Variants in CMTM8 observed in about 807,000 individuals in gnomAD.
CMTM8 encodes CKLF like MARVEL transmembrane domain containing 8.
CMTM8 carries 12 observed loss-of-function variants against 18.6 expected under a neutral mutation model. That is an observed-to-expected ratio of 0.65 (90% CI 0.41 to 1.05). The LOEUF is 1.05. Ranked by LOEUF, CMTM8 falls within the 50% of genes least tolerant of loss-of-function variation. The probability of loss-of-function intolerance (pLI) is 0.00; values close to 1 mark genes in which losing one functional copy is unlikely to be tolerated. For synonymous variants in CMTM8, 87 were observed against 90.6 expected (o/e 0.96, Z 0.23); for missense variants, 217 against 227.2 (o/e 0.95, Z 0.29).
chr3:32,354,189 G>A (rs1449770416), intron 1 of CMTM8, among the ~76,000 whole-genome samples: 2 of 151,848 alleles, frequency 1.3e-5, no homozygotes, highest in Admixed American at 1.3e-4. Flanking sequence ...GCTTATCAGG[G>A]AAAACAAACA....
chr3:32,333,400 G>T (rs903320205), intron 1 of CMTM8, among the ~76,000 whole-genome samples: 1 of 152,174 alleles, frequency 6.6e-6, no homozygotes, highest in South Asian at 2.1e-4. Context: ...TCACCAGAAA[G>T]CTTGTTAGAA....
intron 1 of CMTM8, among the ~76,000 whole-genome samples, chr3:32,294,455 G>A (rs967887310): frequency 1.3e-5 from 2 of 152,204 alleles, no homozygotes; most frequent in African/African-American, 4.8e-5. Flanking sequence ...TTGTGTGGCT[G>A]CCAGTCACAT....
intron 1 of CMTM8, among the ~76,000 whole-genome samples, chr3:32,262,108 G>A (rs1402769272): frequency 6.6e-6 from 1 of 152,118 alleles, no homozygotes; most frequent in African/African-American, 2.4e-5. Context: ...TCTCATGTCT[G>A]CTGGGTCCTG....
chr3:32,277,516 G>A (rs931436429), intron 1 of CMTM8, among the ~76,000 whole-genome samples: 3 of 152,088 alleles, frequency 2.0e-5, no homozygotes, highest in African/African-American at 7.2e-5. Flanking sequence ...GGTATTACAG[G>A]TGTGTGCCAC....
rs1702614287 is a variant in CMTM8 at position 32,281,817 on chromosome 3, G to C, written c.147+42698G>C. On this transcript the variant is annotated intron_variant, in intron 1 of 3. Transcript: ENST00000307526. ...GCCTGAAGGCCACATTGACACAGTTGACCCCTCCCCTCAATCCTTTAAATA... is the reference window on the plus strand; with the variant it reads ...GCCTGAAGGCCACATTGACACAGTTCACCCCTCCCCTCAATCCTTTAAATA... 4.6e-5 allele frequency among the ~76,000 whole-genome samples: 7 copies of C among 152,008 alleles called. No homozygotes were observed. The South Asian group carries it at 1.4e-3, about 31-fold the overall frequency.
intron 1 of CMTM8, among the ~76,000 whole-genome samples, chr3:32,241,709 A>G (rs1701947610): frequency 6.6e-6 from 1 of 152,210 alleles, no homozygotes; most frequent in Non-Finnish European, 1.5e-5. Flanking sequence ...TGTTAAGTCA[A>G]GGGGCATCTG....
chr3:32,278,233 A>G (rs1041132602), intron 1 of CMTM8, among the ~76,000 whole-genome samples: 1 of 152,360 alleles, frequency 6.6e-6, no homozygotes, highest in East Asian at 1.9e-4. Context: ...AATGTACAGC[A>G]TGGCCACATC....
chr3:32,310,789 G>A (rs933308547), intron 1 of CMTM8, among the ~76,000 whole-genome samples: 1 of 152,174 alleles, frequency 6.6e-6, no homozygotes, highest in Non-Finnish European at 1.5e-5. Context: ...ATTGTGAATT[G>A]TAGAAAGTTG....
chr3:32,271,259 T>C (rs868522388), intron 1 of CMTM8, among the ~76,000 whole-genome samples: 2 of 152,326 alleles, frequency 1.3e-5, no homozygotes, highest in Middle Eastern at 3.4e-3. Context: ...CCTGAGTAGC[T>C]GGGATTATAG....
intron 1 of CMTM8, among the ~76,000 whole-genome samples, chr3:32,311,378 G>A (rs1045035160): frequency 1.3e-5 from 2 of 152,194 alleles, no homozygotes; most frequent in African/African-American, 2.4e-5. Flanking sequence ...GACAGAGACC[G>A]TATGGCTGCA....
chr3:32,254,756 A>G (rs995707318), intron 1 of CMTM8, among the ~76,000 whole-genome samples: 1 of 152,216 alleles, frequency 6.6e-6, no homozygotes, highest in Non-Finnish European at 1.5e-5. Context: ...TACAGTTTAC[A>G]TACTGTAAAG....
intron 1 of CMTM8, among the ~76,000 whole-genome samples, chr3:32,249,868 C>G (rs1702090495): frequency 6.6e-6 from 1 of 152,250 alleles, no homozygotes; most frequent in South Asian, 2.1e-4. Flanking sequence ...CTTAGAAGTA[C>G]AAAGGTTCTT....
chr3:32,340,308 G>A (rs529998751), intron 1 of CMTM8, among the ~76,000 whole-genome samples: 182 of 152,282 alleles, frequency 1.2e-3, no homozygotes, highest in African/African-American at 4.1e-3. Context: ...GAAGATGGTC[G>A]CCATGCTTGC....
At chr3:32,283,374 T>C (rs6809090) in intron 1 of CMTM8, among the ~76,000 whole-genome samples, 98,886 of 151,978 alleles carry the variant, frequency 0.65, 32,492 homozygotes, top group East Asian at 0.89. Flanking sequence ...GGGGGAAGAG[T>C]CATTTGAGTT....
intron 1 of CMTM8, among the ~76,000 whole-genome samples, chr3:32,251,633 A>G (rs1433816960): frequency 6.6e-6 from 1 of 151,968 alleles, no homozygotes; most frequent in African/African-American, 2.4e-5. Flanking sequence ...ACTTTTTATT[A>G]TTATTCATGC....
intron 1 of CMTM8, among the ~76,000 whole-genome samples, chr3:32,260,962 C>T (rs1702248710): frequency 6.6e-6 from 1 of 152,054 alleles, no homozygotes; most frequent in Admixed American, 6.5e-5. Flanking sequence ...TGGCTCATGC[C>T]TGTAACCCCA....
chr3:32,240,409 A>C (rs745590029), intron 1 of CMTM8, among the ~76,000 whole-genome samples: 12 of 152,220 alleles, frequency 7.9e-5, no homozygotes, highest in African/African-American at 1.2e-4. Context: ...TTAGGAGTTC[A>C]ACAAATATTT....
intron 1 of CMTM8, among the ~76,000 whole-genome samples, chr3:32,339,880 G>A (rs1283553327): frequency 6.6e-6 from 1 of 152,056 alleles, no homozygotes; most frequent in African/African-American, 2.4e-5. Context: ...GGAGAATGGC[G>A]TGAACCCGGG....
chr3:32,318,960 C>T (rs1695982272), intron 1 of CMTM8, among the ~76,000 whole-genome samples: 1 of 149,346 alleles, frequency 6.7e-6, no homozygotes, highest in African/African-American at 2.5e-5. Context: ...GATGGCATAT[C>T]ATTTCGTCCA....
Sources: gnomAD v4.1 joint callset for allele counts (sites outside exome capture counted in the v4.1 genomes callset) on GRCh38, gnomAD v4.1.1 for gene constraint, MANE v1.5 for transcripts, NCBI Gene and HGNC (gene_info 2026-07-23, HGNC 2026-07-21) for gene names.